The following EFCAB13 variants were observed in gnomAD, a reference collection of about 807,000 sequenced individuals.
EFCAB13 encodes the protein EF-hand calcium binding domain 13.
Under a neutral mutation model 110.2 loss-of-function variants are expected in EFCAB13, and 91 were observed. The observed-to-expected ratio is 0.83, with a 90% confidence interval of 0.70 to 0.98. The LOEUF (loss-of-function observed/expected upper bound fraction) is 0.98, where lower values mean the gene tolerates loss of function less well. Among genes scored for constraint, EFCAB13 ranks in the 50% least tolerant of loss-of-function variants. The probability of loss-of-function intolerance (pLI) is 0.00; values close to 1 mark genes in which losing one functional copy is unlikely to be tolerated. For missense variants in EFCAB13, 968 were observed against 1,119.4 expected (o/e 0.86, Z 1.93); for synonymous variants, 323 against 369.9 (o/e 0.87, Z 1.45).
intron 14 of EFCAB13, among the ~76,000 whole-genome samples, chr17:47,384,882 G>A (rs1247135415): frequency 6.6e-6 from 1 of 152,006 alleles, no homozygotes; most frequent in Admixed American, 6.6e-5. Context: ...CCATTCTCCT[G>A]CCTCAGCCTC....
rs2065792095 is a variant in EFCAB13 at position 47,404,010 on chromosome 17, A to C, written c.2150A>C (p.Asp717Ala). 5.7e-6 allele frequency: 9 copies of C among 1,589,696 alleles called. No individual in the cohort carries two copies. In the East Asian group the frequency reaches 1.8e-4, roughly 32 times the overall value. Residue 717 changes from aspartate to alanine, a missense_variant, in exon 19 of 25, where the codon GAT becomes GCT. Coordinates refer to ENST00000331493, the MANE Select transcript of EFCAB13 (RefSeq NM_152347.5). ...KEEVEKILQSDFVSEDNMVNI... is the reference protein window; with the variant it reads ...KEEVEKILQSAFVSEDNMVNI... The stretch of plus-strand genomic sequence containing the variant: ...GAGGTAGAGAAAATTCTTCAATCAG[A>C]TTTTGTTTCTGGTAAGCATTTTAAA...
At chr17:47,338,572 A>G (rs62074451) in intron 5 of EFCAB13, among the ~76,000 whole-genome samples, 3 of 151,796 alleles carry the variant, frequency 2.0e-5, no homozygotes, top group Non-Finnish European at 2.9e-5. Context: ...TTTTTTTTAA[A>G]TAAATAAGTT....
intron 10 of EFCAB13, among the ~76,000 whole-genome samples, chr17:47,366,296 T>G (rs1423170947): frequency 1.3e-5 from 2 of 151,556 alleles, no homozygotes; most frequent in Non-Finnish European, 2.9e-5. Context: ...GTTTCTGAAA[T>G]ACTGTATTGG....
intron 22 of EFCAB13, 124 bp downstream of exon 22, chr17:47,413,040 A>T: frequency 2.1e-6 from 2 of 972,546 alleles, no homozygotes; most frequent in Admixed American, 5.7e-5. Flanking sequence ...GCTTAGGTTG[A>T]TACAAATTAG....
chr17:47,417,388 C>G (rs538964687), intron 23 of EFCAB13, among the ~76,000 whole-genome samples: 1 of 152,332 alleles, frequency 6.6e-6, no homozygotes, highest in African/African-American at 2.4e-5. Context: ...GAATGTTTCT[C>G]TATGATACCA....
At chr17:47,359,177 C>G (rs896096772) in intron 9 of EFCAB13, among the ~76,000 whole-genome samples, 21 of 151,918 alleles carry the variant, frequency 1.4e-4, no homozygotes, top group Non-Finnish European at 1.3e-4. Context: ...TACAAAAATA[C>G]AAAGAAATTA....
At chr17:47,344,536 A>T (rs555895012) in intron 7 of EFCAB13, among the ~76,000 whole-genome samples, 1 of 152,154 alleles carries the variant, frequency 6.6e-6, no homozygotes, top group Non-Finnish European at 1.5e-5. Flanking sequence ...CCACATCTGT[A>T]TAAGGATCTT....
chr17:47,427,616 T>A (rs769067496), intron 23 of EFCAB13, among the ~76,000 whole-genome samples: 13 of 152,044 alleles, frequency 8.6e-5, no homozygotes, highest in Non-Finnish European at 1.6e-4. Flanking sequence ...TTAGGTAGAT[T>A]ACAAAGTTAT....
chr17:47,435,907 T>C (rs1905204034), intron 24 of EFCAB13, among the ~76,000 whole-genome samples: 1 of 152,208 alleles, frequency 6.6e-6, no homozygotes, highest in Non-Finnish European at 1.5e-5. Flanking sequence ...TTCAGTATTA[T>C]GTCGGCTGTG....
Position 47,344,944 on chromosome 17 carries a change from G to A in EFCAB13, c.435-72G>A. The A allele has an allele frequency of 3.5e-6, 4 of 1,147,622 alleles. No homozygotes were observed. In the South Asian group the frequency reaches 5.3e-5, roughly 15 times the overall value. The allele number at this position is 1,147,622 out of a possible 1,614,324, so 71.1% of individuals were successfully genotyped here. ...CTTATGAATCTCAGACTATTGGTAA[G>A]TTTGCTAATATTTTAAAATGGAATT... On this transcript the variant is annotated intron_variant, in intron 7 of 24. Transcript: ENST00000331493.
At chr17:47,412,190 C>T (rs909084593) in intron 21 of EFCAB13, among the ~76,000 whole-genome samples, 1 of 152,120 alleles carries the variant, frequency 6.6e-6, no homozygotes, top group East Asian at 1.9e-4. Flanking sequence ...CAGGACTGCC[C>T]CGTTTGGTTA....
intron 23 of EFCAB13, among the ~76,000 whole-genome samples, chr17:47,424,865 G>A (rs1356970502): frequency 8.7e-6 from 1 of 114,572 alleles, no homozygotes; most frequent in Non-Finnish European, 1.8e-5. Context: ...TCTTTCTCCG[G>A]TTGACAATCT....
At chr17:47,350,092 C>T (rs1182047706) in intron 9 of EFCAB13, among the ~76,000 whole-genome samples, 1 of 151,944 alleles carries the variant, frequency 6.6e-6, no homozygotes, top group Non-Finnish European at 1.5e-5. Flanking sequence ...CTTATTTGGT[C>T]TCTCAGAATC....
intron 12 of EFCAB13, 37 bp from the exon 13 acceptor site, chr17:47,377,727 TTC>T (rs764774530): frequency 2.1e-5 from 32 of 1,497,360 alleles, no homozygotes; most frequent in South Asian, 7.0e-5. Context: ...GACACATAAA[TTC>T]TGTTGCCTAA....
intron 2 of EFCAB13, among the ~76,000 whole-genome samples, chr17:47,325,939 TATATATATATATATATATATATAGC>T (rs1239729916): frequency 4.7e-4 from 24 of 50,610 alleles, no homozygotes; most frequent in African/African-American, 1.3e-3. Context: ...TATATATATA[TATATATATATATATATATATATAGC>T]ATATATATAT....
rs1387403840 is a variant in EFCAB13 at position 47,431,983 on chromosome 17, TTG to T, written c.2638+2026_2638+2027del. Among the ~76,000 whole-genome samples the T allele has an allele frequency of 6.6e-6, 1 of 152,186 alleles. No individual in the cohort carries two copies. Among genetic ancestry groups the T allele is most frequent in the African/African-American group, 2.4e-5 (1 of 41,446 alleles). On this transcript the variant is annotated intron_variant, in intron 24 of 24. Transcript: ENST00000331493. This position sits in a 1 kb window ranked among gnomAD's most constrained non-coding sequence, Gnocchi z 4.1. ...GCTGACTTAGAATTAAGGCTGGGCA[TTG>T]TGTTTCATGCCTGTAATCCCAGCAC...
chr17:47,337,326 A>G (rs1486148006), intron 5 of EFCAB13, among the ~76,000 whole-genome samples: 1 of 152,208 alleles, frequency 6.6e-6, no homozygotes, highest in Non-Finnish European at 1.5e-5. Context: ...ATTCATACAC[A>G]TGGACATACA....
At chr17:47,424,834 T>C (rs1422370028) in intron 23 of EFCAB13, among the ~76,000 whole-genome samples, 2 of 148,888 alleles carry the variant, frequency 1.3e-5, no homozygotes, top group African/African-American at 5.0e-5. Flanking sequence ...AAACCCTTCC[T>C]GGAACTAATT....
chr17:47,410,182 C>G (rs1340961205), intron 21 of EFCAB13, among the ~76,000 whole-genome samples: 1 of 151,920 alleles, frequency 6.6e-6, no homozygotes, highest in Non-Finnish European at 1.5e-5. Context: ...GTCAAGAGGC[C>G]CACATCTAGT....
Sources: allele counts gnomAD v4.1 joint callset (sites outside exome capture counted in the v4.1 genomes callset), GRCh38; gene constraint gnomAD v4.1.1; non-coding constraint Gnocchi (gnomAD v3.1); transcripts MANE v1.5; gene names NCBI Gene and HGNC (gene_info 2026-07-23, HGNC 2026-07-21).